TRANK1: variants seen among roughly 807,000 people sequenced by gnomAD.
The protein encoded by TRANK1 is tetratricopeptide repeat and ankyrin repeat containing 1, also known as TPR and ankyrin repeat-containing protein 1.
In TRANK1, 198 loss-of-function variants were observed where a neutral mutation model predicts 266.0. That is an observed-to-expected ratio of 0.74 (90% CI 0.66 to 0.84). TRANK1 has a LOEUF of 0.84. Among genes scored for constraint, TRANK1 ranks in the 40% least tolerant of loss-of-function variants. The probability of loss-of-function intolerance (pLI) is 0.00; values close to 1 mark genes in which losing one functional copy is unlikely to be tolerated. For missense variants in TRANK1, 3,326 were observed against 3,634.6 expected, an observed-to-expected ratio of 0.92 and a Z score of 2.18; for synonymous variants, 1,396 against 1,384.1, an observed-to-expected ratio of 1.01 and a Z score of -0.19.
rs2079484966 is a variant in TRANK1, at chr3:36,879,905, A to G, written c.908-5609T>C. ...ATATGTAAACATGCAAATATATGTA[A>G]ACATGCAAATATATGTAAACATGCA... On this transcript the variant is annotated intron_variant, in intron 8 of 23. Coordinates refer to ENST00000645898, the MANE Select transcript of TRANK1 (RefSeq NM_001329998.2). Among the ~76,000 whole-genome samples, 2 of 75,626 alleles carry G rather than the reference A, an allele frequency of 2.6e-5. 1 individual carries two copies. Among genetic ancestry groups the G allele is most frequent in the Non-Finnish European group, 4.6e-5 (2 of 43,690 alleles). The allele number at this position is 75,626 out of a possible 152,430, so 49.6% of individuals were successfully genotyped here.
chr3:36,899,091 T>C lies in TRANK1; in HGVS notation c.433+18A>G, dbSNP rs1187621393. The C allele has an allele frequency of 6.5e-7, 1 of 1,535,870 alleles. No homozygotes were observed. The highest frequency in any genetic ancestry group is 2.4e-5 in the East Asian group (1 of 40,896). ...AATAGCAAGGACTTTACAAAAAGTC[T>C]CCCCAGTTCCAACTTACTGCTCATA... On this transcript the variant is annotated intron_variant, in intron 4 of 23. Coordinates refer to ENST00000645898, the MANE Select transcript of TRANK1 (RefSeq NM_001329998.2).
At chr3:36,892,613 G>A (rs1296496632) in intron 6 of TRANK1, among the ~76,000 whole-genome samples, 1 of 152,158 alleles carries the variant, frequency 6.6e-6, no homozygotes, top group African/African-American at 2.4e-5. Context: ...CCGATCACCT[G>A]AGGTCAGGAG....
chr3:36,904,407 C>T (rs1469187982), intron 2 of TRANK1, among the ~76,000 whole-genome samples: 1 of 151,676 alleles, frequency 6.6e-6, no homozygotes, highest in East Asian at 2.0e-4. Context: ...GTAGTCCCAG[C>T]TACATGGCAG....
chr3:36,839,518 G>A (rs539417673), intron 18 of TRANK1, among the ~76,000 whole-genome samples: 2 of 152,202 alleles, frequency 1.3e-5, no homozygotes, highest in South Asian at 2.1e-4. Flanking sequence ...TTTCATTCCC[G>A]TGACCTGTGC....
At chr3:36,942,270 T>C (rs2080506365) in intron 1 of TRANK1, among the ~76,000 whole-genome samples, 1 of 152,170 alleles carries the variant, frequency 6.6e-6, no homozygotes, top group East Asian at 1.9e-4. Flanking sequence ...AGTCAAGAGA[T>C]AAGTTGTCTA....
At chr3:36,866,079 A>AGAAC (rs2079218924) in intron 9 of TRANK1, among the ~76,000 whole-genome samples, 1 of 151,030 alleles carries the variant, frequency 6.6e-6, no homozygotes, top group Non-Finnish European at 1.5e-5. Flanking sequence ...AAAGAAAGAA[A>AGAAC]GAAAGAAAGA....
intron 18 of TRANK1, 98 bp downstream of exon 18, chr3:36,842,524 T>C: frequency 9.4e-7 from 1 of 1,066,416 alleles, no homozygotes; most frequent in Non-Finnish European, 1.4e-6. Context: ...ACCATTACGC[T>C]CATCCTTTCC....
intron 8 of TRANK1, among the ~76,000 whole-genome samples, chr3:36,886,404 C>T (rs2079606765): frequency 6.6e-6 from 1 of 151,972 alleles, no homozygotes; most frequent in Non-Finnish European, 1.5e-5. Flanking sequence ...AGCCACCACA[C>T]CCAGCCAGCC....
At chr3:36,929,379 G>A (rs1559479204) in intron 1 of TRANK1, 1 of 152,202 alleles carries the variant, frequency 6.6e-6, no homozygotes, top group African/African-American at 2.4e-5. Context: ...GCCTCCCAAA[G>A]TGCTGAGATT....
At chr3:36,879,528 C>A (rs2079441871) in intron 8 of TRANK1, among the ~76,000 whole-genome samples, 1 of 126,978 alleles carries the variant, frequency 7.9e-6, no homozygotes, top group Non-Finnish European at 1.7e-5. Flanking sequence ...AAAACCAAGA[C>A]CCAGATTTTG....
intron 8 of TRANK1, among the ~76,000 whole-genome samples, chr3:36,875,878 G>A (rs556678782): frequency 2.0e-5 from 3 of 152,214 alleles, no homozygotes; most frequent in South Asian, 2.1e-4. Context: ...AAAAAGTAAC[G>A]CTTAGAGCCT....
chr3:36,839,419 A>T (rs2078813419), intron 18 of TRANK1, among the ~76,000 whole-genome samples: 1 of 152,212 alleles, frequency 6.6e-6, no homozygotes, highest in African/African-American at 2.4e-5. Flanking sequence ...ATTAGGTCTC[A>T]GTGTGGGCAA....
Position 36,899,328 on chromosome 3 carries a change from C to T in TRANK1, c.283-69G>A, listed in dbSNP as rs1315009774. ...TTTAACCTGCTGGTGAAAGAAAAAG[C>T]AAAATTGGCAACATGGGAAATCCAA... On this transcript the variant is annotated intron_variant, in intron 3 of 23. Coordinates refer to ENST00000645898, the MANE Select transcript of TRANK1 (RefSeq NM_001329998.2). 3.2e-5 allele frequency: 47 copies of T among 1,477,532 alleles called. No homozygotes were observed. The South Asian group carries it at 5.5e-4, about 17-fold the overall frequency. The allele number at this position is 1,477,532 out of a possible 1,614,324, so 91.5% of individuals were successfully genotyped here.
At chr3:36,938,821 G>A (rs1357642575) in intron 1 of TRANK1, among the ~76,000 whole-genome samples, 1 of 152,042 alleles carries the variant, frequency 6.6e-6, no homozygotes, top group Admixed American at 6.6e-5. Context: ...TTAGCGGAGG[G>A]TGGTGGCGCG....
At chr3:36,888,784 A>G (rs773812550) in intron 8 of TRANK1, among the ~76,000 whole-genome samples, 1 of 152,202 alleles carries the variant, frequency 6.6e-6, no homozygotes, top group Non-Finnish European at 1.5e-5. Flanking sequence ...CTGGCCAGGC[A>G]TGGTAGCTCA....
At chr3:36,850,189 A>G (rs2078968149) in intron 15 of TRANK1, 2 of 985,410 alleles carry the variant, frequency 2.0e-6, no homozygotes, top group Middle Eastern at 1.0e-3. Context: ...TCCAACCATG[A>G]CCGATGGATG....
Position 36,864,442 on chromosome 3 carries a change from T to C in TRANK1, c.1117A>G (p.Ile373Val). 3 of 1,536,532 alleles carry C rather than the reference T, an allele frequency of 2.0e-6. No homozygotes were observed. The highest frequency in any genetic ancestry group is 2.6e-6 in the Non-Finnish European group (3 of 1,146,690). The stretch of plus-strand genomic sequence containing the variant: ...AGCTGCTCCAAGACCTTCCTGAAAA[T>C]GTCGTTTTCACTAGTGGGTCCATCA... ...NGDGPTSEND[I>V]FRKVLEQLVK... The change falls in exon 10 of 24, where the codon ATT becomes GTT. Residue 373 changes from isoleucine to valine, a missense_variant. Ile to Val is a conservative substitution (Grantham distance 29). Coordinates refer to ENST00000645898, the MANE Select transcript of TRANK1 (RefSeq NM_001329998.2).
In TRANK1 at chr3:36,864,574, T is replaced by C. The variant is rs1371938018; in HGVS notation, c.1079-94A>G. On this transcript the variant is annotated intron_variant, in intron 9 of 23. Coordinates refer to ENST00000645898, the MANE Select transcript of TRANK1 (RefSeq NM_001329998.2). The stretch of plus-strand genomic sequence containing the variant: ...CACAATTCTCCAACCCTCCACATAC[T>C]CACATGCTGTGCAGTGTGACTTGCT... 5 of 1,222,422 alleles carry C rather than the reference T, an allele frequency of 4.1e-6. No individual in the cohort carries two copies. In the Admixed American group the frequency reaches 1.4e-4, roughly 35 times the overall value. The allele number at this position is 1,222,422 out of a possible 1,614,324, so 75.7% of individuals were successfully genotyped here.
Position 36,864,489 on chromosome 3 carries a change from C to T in TRANK1, c.1079-9G>A. The T allele has an allele frequency of 6.6e-7, 1 of 1,517,790 alleles. No homozygotes were observed. The highest frequency in any genetic ancestry group is 8.8e-7 in the Non-Finnish European group (1 of 1,140,616). The allele number at this position is 1,517,790 out of a possible 1,614,324, so 94.0% of individuals were successfully genotyped here. On this transcript the variant is annotated splice_polypyrimidine_tract_variant and intron_variant, in intron 9 of 23. Transcript: ENST00000645898. ...ATCACCATTGCTGAATCCTACAAAACAGCACCAGGTAATGCTTCTGAATAC... is the reference window on the plus strand; with the variant it reads ...ATCACCATTGCTGAATCCTACAAAATAGCACCAGGTAATGCTTCTGAATAC...
Sources: allele counts gnomAD v4.1 joint callset (sites outside exome capture counted in the v4.1 genomes callset), GRCh38; gene constraint gnomAD v4.1.1; transcripts MANE v1.5; gene names NCBI Gene and HGNC (gene_info 2026-07-23, HGNC 2026-07-21).